Variants in BTBD9 observed in about 807,000 individuals in gnomAD.
BTBD9 encodes the protein BTB/POZ domain-containing protein 9.
A neutral mutation model predicts 64.3 loss-of-function variants in BTBD9; 49 were observed. That is an observed-to-expected ratio of 0.76 (90% confidence interval 0.61 to 0.97). The LOEUF is 0.97. Among genes scored for constraint, BTBD9 ranks in the 50% least tolerant of loss-of-function variants. The pLI is 0.00. For synonymous variants in BTBD9, 260 were observed against 274.7 expected (o/e 0.95, Z 0.53); for missense variants, 598 against 762.1 (o/e 0.78, Z 2.53).
intron 1 of BTBD9, among the ~76,000 whole-genome samples, chr6:38,600,637 A>T (rs1194808529): frequency 6.6e-6 from 1 of 152,154 alleles, no homozygotes; most frequent in East Asian, 1.9e-4. Context: ...ATACCCAGTA[A>T]ATATATTTAA....
At chr6:38,627,035 G>T (rs1778192412) in intron 1 of BTBD9, among the ~76,000 whole-genome samples, 1 of 152,216 alleles carries the variant, frequency 6.6e-6, no homozygotes, top group Admixed American at 6.5e-5. Context: ...AGGGGTGACA[G>T]ACCAGTAAAG....
At chr6:38,316,633 A>G (rs1296636284) in intron 7 of BTBD9, among the ~76,000 whole-genome samples, 1 of 152,182 alleles carries the variant, frequency 6.6e-6, no homozygotes, top group African/African-American at 2.4e-5. Flanking sequence ...CTATTTATAT[A>G]TTATTGTACT....
chr6:38,616,229 G>A (rs530061941), intron 1 of BTBD9, among the ~76,000 whole-genome samples: 1 of 152,124 alleles, frequency 6.6e-6, no homozygotes, highest in Non-Finnish European at 1.5e-5. Flanking sequence ...CAACCACTGA[G>A]CTTAATAGAG....
chr6:38,312,053 G>T (rs544706028), intron 7 of BTBD9, among the ~76,000 whole-genome samples: 76 of 151,988 alleles, frequency 5.0e-4, no homozygotes, highest in Admixed American at 1.4e-3. Context: ...TAGAGACGTG[G>T]TTTCACTATG....
chr6:38,559,360 T>C (rs1214585217), intron 6 of BTBD9, among the ~76,000 whole-genome samples: 1 of 151,228 alleles, frequency 6.6e-6, no homozygotes, highest in Non-Finnish European at 1.5e-5. Flanking sequence ...ACTAGGAATA[T>C]GTCTAAATAA....
intron 6 of BTBD9, among the ~76,000 whole-genome samples, chr6:38,489,639 T>C (rs143009197): frequency 2.6e-4 from 39 of 152,334 alleles, no homozygotes; most frequent in African/African-American, 9.1e-4. Context: ...AAAGAATGTT[T>C]TACCTCGCCC....
At chr6:38,502,694 A>C (rs1231648991) in intron 6 of BTBD9, among the ~76,000 whole-genome samples, 1 of 152,244 alleles carries the variant, frequency 6.6e-6, no homozygotes, top group East Asian at 1.9e-4. Context: ...GCTTATCATT[A>C]ATGAGCACAC....
chr6:38,205,323 A>G (rs1462202136), intron 9 of BTBD9, among the ~76,000 whole-genome samples: 3 of 152,196 alleles, frequency 2.0e-5, no homozygotes, highest in African/African-American at 7.2e-5. Flanking sequence ...TGGAGGGGGA[A>G]AAAGCAGGTC....
intron 6 of BTBD9, among the ~76,000 whole-genome samples, chr6:38,518,535 T>C (rs889496905): frequency 3.9e-5 from 6 of 152,238 alleles, no homozygotes; most frequent in Admixed American, 1.3e-4. Flanking sequence ...GTAACAGTCA[T>C]ACTGTGATCA....
chr6:38,578,562 G>C (rs1776153437), intron 5 of BTBD9, among the ~76,000 whole-genome samples: 1 of 152,210 alleles, frequency 6.6e-6, no homozygotes, highest in Admixed American at 6.5e-5. Context: ...GACCAGAAAA[G>C]GTCAGCTTAT....
chr6:38,375,689 G>C (rs1434307977), intron 6 of BTBD9, among the ~76,000 whole-genome samples: 1 of 152,112 alleles, frequency 6.6e-6, no homozygotes. Flanking sequence ...CTGTGGAAAA[G>C]GGCAAGTTGG....
chr6:38,452,025 T>C (rs956013358), intron 6 of BTBD9, among the ~76,000 whole-genome samples: 1 of 152,112 alleles, frequency 6.6e-6, no homozygotes, highest in African/African-American at 2.4e-5. Flanking sequence ...ACGCTTTTAA[T>C]TGGAACTATT....
chr6:38,174,904 A>G lies in BTBD9; in HGVS notation c.*81T>C. 1 of 1,532,196 alleles carries G rather than the reference A, an allele frequency of 6.5e-7. No homozygotes were observed. 94.9% of individuals were successfully genotyped at this position (1,532,196 alleles called of 1,614,324 possible). ...GAAAGGGGCAGAGGTGGGGGCAGTC[A>G]ACAGAGACCCCTGCTCAGGGAGGAG... is the stretch of plus-strand genomic sequence containing the variant. On this transcript the variant is annotated 3_prime_UTR_variant, in exon 11 of 11. Coordinates refer to ENST00000481247, the MANE Select transcript of BTBD9 (RefSeq NM_001099272.2).
intron 6 of BTBD9, among the ~76,000 whole-genome samples, chr6:38,539,419 A>C (rs917115634): frequency 6.6e-6 from 1 of 152,214 alleles, no homozygotes; most frequent in Non-Finnish European, 1.5e-5. Flanking sequence ...TTTAGTAAAG[A>C]ATCTGAGACT....
chr6:38,241,638 T>G (rs1763995147), intron 9 of BTBD9, among the ~76,000 whole-genome samples: 1 of 152,216 alleles, frequency 6.6e-6, no homozygotes, highest in Non-Finnish European at 1.5e-5. Flanking sequence ...AAACTATACT[T>G]TAGAACTTTG....
chr6:38,355,113 A>G (rs1021705391), intron 6 of BTBD9, among the ~76,000 whole-genome samples: 1 of 152,162 alleles, frequency 6.6e-6, no homozygotes, highest in Non-Finnish European at 1.5e-5. Flanking sequence ...GGTATAAGAG[A>G]TTTTGCTGCT....
At chr6:38,303,017 T>C (rs1331131454) in intron 7 of BTBD9, among the ~76,000 whole-genome samples, 4 of 152,194 alleles carry the variant, frequency 2.6e-5, no homozygotes, top group Non-Finnish European at 5.9e-5. Flanking sequence ...TTGAGTTTAC[T>C]TCCTTACATA....
intron 1 of BTBD9, among the ~76,000 whole-genome samples, chr6:38,628,236 G>C (rs1005067938): frequency 6.6e-6 from 1 of 152,130 alleles, no homozygotes; most frequent in Non-Finnish European, 1.5e-5. Flanking sequence ...CACCTAACAT[G>C]AAACATAAAC....
At chr6:38,376,848 T>C (rs535899953) in intron 6 of BTBD9, among the ~76,000 whole-genome samples, 1 of 152,310 alleles carries the variant, frequency 6.6e-6, no homozygotes, top group South Asian at 2.1e-4. Context: ...TCCAGTACCT[T>C]CAACAGACTG....
Sources: gnomAD v4.1 joint callset for allele counts (sites outside exome capture counted in the v4.1 genomes callset) on GRCh38, gnomAD v4.1.1 for gene constraint, MANE v1.5 for transcripts, NCBI Gene and HGNC (gene_info 2026-07-23, HGNC 2026-07-21) for gene names.